AHI1: variants seen among roughly 807,000 people sequenced by gnomAD.
AHI1 encodes the protein jouberin.
AHI1 carries 123 observed loss-of-function variants against 149.3 expected under a neutral mutation model. The ratio of observed to expected loss-of-function variants is 0.82; its 90% CI spans 0.71 to 0.96. The LOEUF (loss-of-function observed/expected upper bound fraction) is 0.96. Among genes scored for constraint, AHI1 ranks in the 40% least tolerant of loss-of-function variants. The pLI, the probability that AHI1 is intolerant of heterozygous loss-of-function variation, is 0.00. For synonymous variants in AHI1, 475 were observed against 459.8 expected (o/e 1.03, Z -0.42); for missense variants, 1,439 against 1,422.7 (o/e 1.01, Z -0.18).
intron 24 of AHI1, among the ~76,000 whole-genome samples, chr6:135,354,180 G>A (rs1027118127): frequency 2.6e-5 from 4 of 151,904 alleles, no homozygotes; most frequent in African/African-American, 7.2e-5. Context: ...TCTCTACCGG[G>A]GTTACAGGGT....
intron 16 of AHI1, among the ~76,000 whole-genome samples, chr6:135,431,997 TC>T (rs1784726567): frequency 1.6e-5 from 1 of 63,830 alleles, no homozygotes; most frequent in Non-Finnish European, 3.0e-5. Context: ...TGGACCAATT[TC>T]CTTTTTTTTT....
chr6:135,342,635 G>A (rs1171201953), intron 24 of AHI1, among the ~76,000 whole-genome samples: 1 of 151,734 alleles, frequency 6.6e-6, no homozygotes, highest in African/African-American at 2.4e-5. Context: ...AGTATTAAAG[G>A]TAAGATCCAC....
intron 24 of AHI1, among the ~76,000 whole-genome samples, chr6:135,330,968 AGTTCT>A: frequency 6.6e-6 from 1 of 152,224 alleles, no homozygotes; most frequent in Non-Finnish European, 1.5e-5. Context: ...AATAAATTAA[AGTTCT>A]ATAAAGCAGT....
At chr6:135,465,615 G>A (rs779897967) in intron 7 of AHI1, among the ~76,000 whole-genome samples, 199 bp downstream of exon 7, 2 of 152,128 alleles carry the variant, frequency 1.3e-5, no homozygotes, top group Non-Finnish European at 2.9e-5. Context: ...ATTGTCATAA[G>A]AAATAAATGA....
rs1457900209 is a variant in AHI1 at position 135,438,505 on chromosome 6, A to C, written c.1913-7T>G. ...CCAGAAGGAATTTCATATACTAATG[A>C]AAATATTTAGAAATTAGGTTTCCAG... On this transcript the variant is annotated splice_region_variant and splice_polypyrimidine_tract_variant and intron_variant, in intron 14 of 28. Coordinates refer to ENST00000265602, the MANE Select transcript of AHI1 (RefSeq NM_001134831.2). 6 of 1,530,166 alleles carry C rather than the reference A, an allele frequency of 3.9e-6. No individual in the cohort carries two copies. In the South Asian group the frequency reaches 7.6e-5, roughly 19 times the overall value. The allele number at this position is 1,530,166 out of a possible 1,614,324, so 94.8% of individuals were successfully genotyped here.
intron 27 of AHI1, among the ~76,000 whole-genome samples, chr6:135,295,114 T>C (rs1048785379): frequency 6.6e-6 from 1 of 152,136 alleles, no homozygotes; most frequent in African/African-American, 2.4e-5. Context: ...GCAAAAGATT[T>C]GAACAGAAAT....
intron 23 of AHI1, among the ~76,000 whole-genome samples, chr6:135,382,219 T>C (rs932925275): frequency 3.3e-5 from 5 of 152,232 alleles, no homozygotes; most frequent in Non-Finnish European, 7.3e-5. Flanking sequence ...CATATAGTCA[T>C]TTGTCACTTT....
intron 23 of AHI1, among the ~76,000 whole-genome samples, chr6:135,361,831 ATTT>A (rs201192751): frequency 6.6e-6 from 1 of 151,466 alleles, no homozygotes; most frequent in Non-Finnish European, 1.5e-5. Context: ...TTTAAATTTT[ATTT>A]TTTTTGATTT....
chr6:135,418,082 A>T (rs975438986), intron 20 of AHI1, among the ~76,000 whole-genome samples: 5 of 152,062 alleles, frequency 3.3e-5, no homozygotes, highest in Non-Finnish European at 2.9e-5. Flanking sequence ...TGCATATTTA[A>T]AATTTAGCTC....
Position 135,433,206 on chromosome 6 carries a change from T to C in AHI1, c.2087A>G (p.His696Arg), listed in dbSNP as rs797045224. Residue 696 changes from histidine (H) to arginine (R), a missense_variant, in exon 16 of 29, where the codon CAT (histidine) becomes CGT (arginine). Coordinates refer to ENST00000265602, the MANE Select transcript of AHI1 (RefSeq NM_001134831.2). The stretch of plus-strand genomic sequence containing the variant: ...TTTAGCCGTGTAAACAAAAGAAGGA[T>C]GAGGTAAAACTCTGAAAGTATTTGT... Reference protein sequence around the residue: ...NNTNTFRVLPHPSFVYTAKFH... With the variant: ...NNTNTFRVLPRPSFVYTAKFH... 1.2e-6 allele frequency: 2 copies of C among 1,612,594 alleles called. No homozygotes were observed. Among genetic ancestry groups the C allele is most frequent in the South Asian group, 2.2e-5 (2 of 91,052 alleles).
chr6:135,437,575 G>T (rs1785596265), intron 15 of AHI1, among the ~76,000 whole-genome samples: 2 of 152,298 alleles, frequency 1.3e-5, no homozygotes, highest in Non-Finnish European at 1.5e-5. Context: ...AAGATCAGTA[G>T]AAGAAGTGGT....
intron 23 of AHI1, among the ~76,000 whole-genome samples, chr6:135,361,640 T>G (rs1325803215): frequency 8.0e-6 from 1 of 125,046 alleles, no homozygotes; most frequent in Non-Finnish European, 1.6e-5. Flanking sequence ...TACCTAGGTA[T>G]GGTTTCACAC....
rs762379930 is a variant in AHI1 at position 135,411,528 on chromosome 6, A to G, written c.2781T>C (p.Ala927=). Residue 927 remains alanine, a synonymous_variant, in exon 21 of 29, where the codon GCT becomes GCC. Transcript: ENST00000265602. ...TTCCATTGTAGCGTTTGAACATTTCAGCCTCCTGCTGGGCAACTGAAGAAA... is the reference window on the plus strand; with the variant it reads ...TTCCATTGTAGCGTTTGAACATTTCGGCCTCCTGCTGGGCAACTGAAGAAA... The part of the protein sequence containing the change: ...IYDFHVAQQE[A]EMFKRYNGTF... 25 of 1,581,112 alleles carry G rather than the reference A, an allele frequency of 1.6e-5. No homozygotes were observed. Among genetic ancestry groups the G allele is most frequent in the Non-Finnish European group, 2.2e-5 (25 of 1,162,068 alleles).
chr6:135,475,232 T>C (rs540433671), intron 5 of AHI1, among the ~76,000 whole-genome samples: 3 of 152,350 alleles, frequency 2.0e-5, no homozygotes, highest in Admixed American at 1.3e-4. Flanking sequence ...TTAAGGTCTG[T>C]AGCATCTAAA....
chr6:135,459,426 A>G (rs564835639), intron 8 of AHI1, among the ~76,000 whole-genome samples: 5 of 152,260 alleles, frequency 3.3e-5, no homozygotes, highest in South Asian at 2.1e-4. Flanking sequence ...TTCTTATAAA[A>G]CCCAATTTTA....
chr6:135,452,920 G>A (rs970591468), intron 11 of AHI1, among the ~76,000 whole-genome samples: 19 of 151,842 alleles, frequency 1.3e-4, no homozygotes, highest in African/African-American at 7.3e-5. Context: ...ACCTCTTTAC[G>A]ATATTTATAA....
intron 24 of AHI1, among the ~76,000 whole-genome samples, chr6:135,334,828 A>G (rs1382999268): frequency 1.3e-5 from 2 of 152,216 alleles, no homozygotes; most frequent in Non-Finnish European, 2.9e-5. Flanking sequence ...CGTATTCCCC[A>G]GACCTGCAGC....
intron 27 of AHI1, chr6:135,297,424 A>T (rs949567312): frequency 6.6e-6 from 3 of 455,900 alleles, no homozygotes; most frequent in Non-Finnish European, 1.3e-5. Context: ...CAAAAACTCA[A>T]GCCTTACCTT....
chr6:135,384,183 T>C (rs895425735), intron 23 of AHI1, among the ~76,000 whole-genome samples: 5 of 152,238 alleles, frequency 3.3e-5, no homozygotes, highest in Non-Finnish European at 7.3e-5. Flanking sequence ...ATAAGACATT[T>C]ACTAGGTTTA....
Sources: gnomAD v4.1 joint callset for allele counts (sites outside exome capture counted in the v4.1 genomes callset) on GRCh38, gnomAD v4.1.1 for gene constraint, MANE v1.5 for transcripts, NCBI Gene and HGNC (gene_info 2026-07-23, HGNC 2026-07-21) for gene names.